The following IL1RAPL1 variants were observed in gnomAD, a reference collection of about 807,000 sequenced individuals.
The protein encoded by IL1RAPL1 is interleukin-1 receptor accessory protein-like 1.
A neutral mutation model predicts 48.4 loss-of-function variants in IL1RAPL1; 3 were observed. The observed-to-expected ratio is 0.06, with a 90% CI of 0.03 to 0.16. The LOEUF is 0.16. Among genes scored for constraint, IL1RAPL1 ranks in the 10% least tolerant of loss-of-function variants. The pLI, the probability that IL1RAPL1 is intolerant of heterozygous loss-of-function variation, is 1.00. For synonymous variants in IL1RAPL1, 185 were observed against 187.7 expected, an observed-to-expected ratio of 0.99 and a Z score of 0.12; for missense variants, 349 against 530.6, an observed-to-expected ratio of 0.66 and a Z score of 3.36.
chrX:29,918,144 A>AAAAAAAAAAAAAAAAT (rs1555935868), intron 7 of IL1RAPL1, among the ~76,000 whole-genome samples: 1 of 23,761 alleles, frequency 4.2e-5, no homozygotes, highest in African/African-American at 2.4e-4. Context: ...AAAAAAAAAA[A>AAAAAAAAAAAAAAAAT]ATATATATAT....
chrX:28,773,892 A>G (rs766766457), intron 1 of IL1RAPL1, among the ~76,000 whole-genome samples: 1 of 112,127 alleles, frequency 8.9e-6, no homozygotes, highest in South Asian at 3.7e-4. Flanking sequence ...TCCTTAGTCA[A>G]AACAATGAGG....
At chrX:28,981,365 GT>G (rs935407780) in intron 2 of IL1RAPL1, among the ~76,000 whole-genome samples, 7 of 109,562 alleles carry the variant, frequency 6.4e-5, no homozygotes, top group East Asian at 2.9e-4. Context: ...AATCTCCTGG[GT>G]TTTTTTCTTT....
At position 29,941,784 on chromosome X, in the gene IL1RAPL1, G is replaced by A. The variant is rs7049358; in HGVS notation, c.1191G>A (p.Glu397=). The A allele has an allele frequency of 9.9e-4, 1,192 of 1,204,889 alleles. 10 individuals are homozygous for A. The African/African-American group carries it at 0.019, about 19-fold the overall frequency. The change falls in exon 9 of 11, where the codon GAG becomes GAA. Residue 397 remains glutamate, a synonymous_variant. Transcript: ENST00000378993. Reference sequence around the variant, plus strand: ...ACAGGAATCATTTTGGAGCTGAAGAGCTCGATGGAGGTAGGATGTTACCTC... The same window carrying A: ...ACAGGAATCATTTTGGAGCTGAAGAACTCGATGGAGGTAGGATGTTACCTC... ...LFYRNHFGAE[E]LDGDNKDYDA...
At position 29,658,262 on chromosome X, in the gene IL1RAPL1, A is replaced by G. The variant is rs1391360501; in HGVS notation, c.704-10168A>G. Among the ~76,000 whole-genome samples, 4 of 111,612 alleles carry G rather than the reference A, an allele frequency of 3.6e-5. No homozygotes were observed. The East Asian group carries it at 1.1e-3, about 31-fold the overall frequency. On this transcript the variant is annotated intron_variant, in intron 5 of 10. Coordinates refer to ENST00000378993, the MANE Select transcript of IL1RAPL1 (RefSeq NM_014271.4). ...TGGGATCTGCCGTGAGTCTTGGTGC[A>G]TCAAACAGGGCTGAAGACAATGAAA...
Position 29,946,640 on chromosome X carries a change from G to A in IL1RAPL1, c.1201+4846G>A, listed in dbSNP as rs776790128. Among the ~76,000 whole-genome samples, 7 of 112,250 alleles carry A rather than the reference G, an allele frequency of 6.2e-5. No homozygotes were observed. The East Asian group carries it at 2.0e-3, about 31-fold the overall frequency. ...GAAGTTCCAATTCTGTTGTATATGT[G>A]TGTGTTTGTGTGCATGTATGAATCT... On this transcript the variant is annotated intron_variant, in intron 9 of 10. Coordinates refer to ENST00000378993, the MANE Select transcript of IL1RAPL1 (RefSeq NM_014271.4).
intron 5 of IL1RAPL1, among the ~76,000 whole-genome samples, chrX:29,462,418 A>C (rs1208432582): frequency 9.0e-6 from 1 of 111,440 alleles, no homozygotes; most frequent in Non-Finnish European, 1.9e-5. Context: ...ACTCTCACTG[A>C]ACCTATTTTC....
intron 3 of IL1RAPL1, among the ~76,000 whole-genome samples, chrX:29,344,646 T>C (rs1602185102): frequency 9.0e-6 from 1 of 111,662 alleles, no homozygotes; most frequent in East Asian, 2.8e-4. Context: ...GTTTTTGTTT[T>C]TGTTTTTTTG....
intron 5 of IL1RAPL1, among the ~76,000 whole-genome samples, chrX:29,421,404 A>C (rs1315456007): frequency 2.7e-5 from 3 of 110,632 alleles, no homozygotes; most frequent in Admixed American, 1.9e-4. Flanking sequence ...CCACACTCCC[A>C]CACATACCCC....
At chrX:29,907,915 A>ATGAT (rs1405264324) in intron 6 of IL1RAPL1, among the ~76,000 whole-genome samples, 1 of 111,650 alleles carries the variant, frequency 9.0e-6, no homozygotes, top group East Asian at 2.8e-4. Flanking sequence ...GAAATCATGG[A>ATGAT]TGATAATGAT....
intron 6 of IL1RAPL1, among the ~76,000 whole-genome samples, chrX:29,724,453 A>G (rs184501136): frequency 1.8e-5 from 2 of 112,576 alleles, no homozygotes; most frequent in Non-Finnish European, 3.7e-5. Context: ...ATCATTACAA[A>G]GTAATACATT....
At chrX:28,841,526 A>G (rs887433862) in intron 2 of IL1RAPL1, among the ~76,000 whole-genome samples, 7 of 110,924 alleles carry the variant, frequency 6.3e-5, no homozygotes, top group Non-Finnish European at 3.8e-5. Flanking sequence ...ATAAACAGAG[A>G]AAAGTCTTAT....
chrX:28,832,577 G>GA (rs1210881563), intron 2 of IL1RAPL1, among the ~76,000 whole-genome samples: 4 of 110,880 alleles, frequency 3.6e-5, no homozygotes. Context: ...CTGAACTGGA[G>GA]AAAAATCAAG....
At chrX:29,108,760 A>G (rs1158524529) in intron 2 of IL1RAPL1, among the ~76,000 whole-genome samples, 1 of 111,442 alleles carries the variant, frequency 9.0e-6, no homozygotes, top group Non-Finnish European at 1.9e-5. Flanking sequence ...AAATACAAAC[A>G]TACAATTCGG....
intron 1 of IL1RAPL1, among the ~76,000 whole-genome samples, chrX:28,725,109 C>A (rs1355947184): frequency 9.2e-6 from 1 of 109,031 alleles, no homozygotes; most frequent in African/African-American, 3.4e-5. Context: ...CCGCACCACG[C>A]CCGGCTAATT....
intron 5 of IL1RAPL1, among the ~76,000 whole-genome samples, chrX:29,626,162 G>A (rs1401628804): frequency 1.8e-5 from 2 of 111,959 alleles, no homozygotes; most frequent in African/African-American, 3.2e-5. Flanking sequence ...TTTCCATTGC[G>A]TCTGTTTTTC....
intron 2 of IL1RAPL1, among the ~76,000 whole-genome samples, chrX:28,964,290 A>G (rs1924864791): frequency 9.0e-6 from 1 of 111,625 alleles, no homozygotes; most frequent in Non-Finnish European, 1.9e-5. Flanking sequence ...ATATACAGAC[A>G]TATGTCTATT....
chrX:29,861,837 C>CTTCTT (rs1931591823), intron 6 of IL1RAPL1, among the ~76,000 whole-genome samples: 1 of 111,358 alleles, frequency 9.0e-6, no homozygotes, highest in Admixed American at 9.5e-5. Flanking sequence ...TGTGATATTT[C>CTTCTT]TTCTTTTAAT....
intron 5 of IL1RAPL1, among the ~76,000 whole-genome samples, chrX:29,451,810 G>A (rs1602241437): frequency 1.8e-5 from 2 of 111,659 alleles, no homozygotes; most frequent in East Asian, 5.6e-4. Flanking sequence ...ACAGTATTTG[G>A]TGGTTCAACA....
At chrX:29,424,638 A>C (rs1569308482) in intron 5 of IL1RAPL1, among the ~76,000 whole-genome samples, 1 of 111,774 alleles carries the variant, frequency 8.9e-6, no homozygotes, top group Non-Finnish European at 1.9e-5. Context: ...CAGGGGAACA[A>C]CTGTGAAGCA....
Sources: allele counts gnomAD v4.1 joint callset (sites outside exome capture counted in the v4.1 genomes callset), GRCh38; gene constraint gnomAD v4.1.1; transcripts MANE v1.5; gene names NCBI Gene and HGNC (gene_info 2026-07-23, HGNC 2026-07-21).